SLC35F4: variants seen among roughly 807,000 people sequenced by gnomAD.
The protein encoded by SLC35F4 is solute carrier family 35 member F4.
SLC35F4 carries 24 observed loss-of-function variants against 44.2 expected under a neutral mutation model. The ratio of observed to expected loss-of-function variants is 0.54; its 90% confidence interval spans 0.39 to 0.76. The LOEUF (loss-of-function observed/expected upper bound fraction) is 0.76. Ranked by LOEUF, SLC35F4 falls within the 30% of genes least tolerant of loss-of-function variation. The pLI is 0.00. For missense variants in SLC35F4, 562 were observed against 586.1 expected, an observed-to-expected ratio of 0.96 and a Z score of 0.42; for synonymous variants, 238 against 223.6, an observed-to-expected ratio of 1.06 and a Z score of -0.57.
intron 1 of SLC35F4, among the ~76,000 whole-genome samples, chr14:57,977,770 G>A (rs970713180): frequency 5.9e-5 from 9 of 152,192 alleles, no homozygotes; most frequent in Non-Finnish European, 8.8e-5. Flanking sequence ...CAGTAGATGA[G>A]TGCCGACTAT....
chr14:57,948,524 C>T (rs1008921950), intron 1 of SLC35F4, among the ~76,000 whole-genome samples: 13 of 151,804 alleles, frequency 8.6e-5, no homozygotes, highest in Admixed American at 1.3e-4. Context: ...TTTTTTGTTT[C>T]AATTTTATTT....
chr14:57,909,944 T>C (rs549234177), intron 1 of SLC35F4, among the ~76,000 whole-genome samples: 2 of 152,298 alleles, frequency 1.3e-5, no homozygotes, highest in East Asian at 3.9e-4. Context: ...CAGCAATGAA[T>C]GAGAGTTCAG....
chr14:57,702,525 T>C (rs1471140092), intron 1 of SLC35F4, among the ~76,000 whole-genome samples: 1 of 152,160 alleles, frequency 6.6e-6, no homozygotes, highest in Non-Finnish European at 1.5e-5. Flanking sequence ...TTTAGTTGAA[T>C]AAAATATCTC....
chr14:57,767,326 A>T (rs1378721445), intron 1 of SLC35F4, among the ~76,000 whole-genome samples: 2 of 152,222 alleles, frequency 1.3e-5, no homozygotes, highest in Admixed American at 1.3e-4. Context: ...TGGCCATAAA[A>T]CAAACCTAAC....
At chr14:57,760,403 C>T (rs1285173082) in intron 1 of SLC35F4, among the ~76,000 whole-genome samples, 1 of 152,074 alleles carries the variant, frequency 6.6e-6, no homozygotes, top group African/African-American at 2.4e-5. Flanking sequence ...TGTTTTTATG[C>T]CAATACCATA....
At chr14:57,936,553 T>A (rs1288511696) in intron 1 of SLC35F4, among the ~76,000 whole-genome samples, 1 of 152,220 alleles carries the variant, frequency 6.6e-6, no homozygotes, top group African/African-American at 2.4e-5. Flanking sequence ...GAGACAGGTT[T>A]GGTTGTCGCA....
intron 1 of SLC35F4, among the ~76,000 whole-genome samples, chr14:57,977,531 G>A (rs1317851733): frequency 1.3e-5 from 2 of 152,154 alleles, no homozygotes; most frequent in African/African-American, 4.8e-5. Flanking sequence ...AAATCATATG[G>A]TCACCTGAGT....
intron 1 of SLC35F4, among the ~76,000 whole-genome samples, chr14:57,702,889 T>A (rs2075577462): frequency 6.6e-6 from 1 of 152,300 alleles, no homozygotes; most frequent in Non-Finnish European, 1.5e-5. Flanking sequence ...GTGGCCATAA[T>A]CAACGAGGAT....
intron 1 of SLC35F4, among the ~76,000 whole-genome samples, chr14:57,718,119 T>C (rs554161371): frequency 6.6e-6 from 1 of 152,348 alleles, no homozygotes; most frequent in African/African-American, 2.4e-5. Context: ...AGTGAGAACA[T>C]GCTATGTTTG....
intron 1 of SLC35F4, among the ~76,000 whole-genome samples, chr14:57,857,127 A>G (rs1887185218): frequency 6.6e-6 from 1 of 151,912 alleles, no homozygotes; most frequent in Non-Finnish European, 1.5e-5. Flanking sequence ...AAATACAAAA[A>G]TTAGCTGGGC....
intron 1 of SLC35F4, among the ~76,000 whole-genome samples, chr14:57,745,810 A>G (rs573383123): frequency 2.0e-5 from 3 of 152,326 alleles, no homozygotes; most frequent in African/African-American, 7.2e-5. Flanking sequence ...CACTATTCAC[A>G]ATAGCAAAGA....
intron 1 of SLC35F4, among the ~76,000 whole-genome samples, chr14:57,644,085 C>G (rs1220060550): frequency 6.6e-6 from 1 of 152,162 alleles, no homozygotes; most frequent in Non-Finnish European, 1.5e-5. Context: ...CATACGTGTG[C>G]ATGTGTCTTT....
chr14:57,776,621 A>G (rs11623803), intron 1 of SLC35F4, among the ~76,000 whole-genome samples: 41,898 of 146,778 alleles, frequency 0.29, 6,926 homozygotes, highest in East Asian at 0.67. Context: ...AGCCAAGATC[A>G]TGCCACTGCA....
At chr14:57,667,166 G>A (rs931608159) in intron 1 of SLC35F4, among the ~76,000 whole-genome samples, 1 of 147,938 alleles carries the variant, frequency 6.8e-6, no homozygotes, top group Non-Finnish European at 1.5e-5. Context: ...ATGCGCTCCT[G>A]TGTTTGTGTA....
intron 1 of SLC35F4, among the ~76,000 whole-genome samples, chr14:57,883,186 A>G (rs1400681220): frequency 6.6e-6 from 1 of 152,156 alleles, no homozygotes; most frequent in Non-Finnish European, 1.5e-5. Flanking sequence ...CCAACCCCCC[A>G]TGTGACTACA....
intron 1 of SLC35F4, among the ~76,000 whole-genome samples, chr14:57,932,603 C>T (rs1387228319): frequency 6.6e-6 from 1 of 152,142 alleles, no homozygotes; most frequent in Non-Finnish European, 1.5e-5. Flanking sequence ...AATCCCAACA[C>T]TTTGGGAGGC....
intron 1 of SLC35F4, among the ~76,000 whole-genome samples, chr14:57,649,087 C>T (rs1484161955): frequency 6.6e-6 from 1 of 152,158 alleles, no homozygotes. Flanking sequence ...CTTCCTGATC[C>T]TTAACCTAAA....
At chr14:57,629,956 G>A (rs1225188879) in intron 1 of SLC35F4, 8 of 510,802 alleles carry the variant, frequency 1.6e-5, no homozygotes, top group Admixed American at 3.9e-5. Context: ...GAATGTGGCC[G>A]ATGACACCAG....
In SLC35F4 at chr14:57,566,553, G is replaced by C; in HGVS notation, c.1138C>G (p.Leu380Val). Residue 380 changes from leucine (L) to valine (V), a missense_variant, in exon 7 of 8, where the codon CTG (leucine) becomes GTG (valine). Leu to Val is a conservative substitution (Grantham distance 32, BLOSUM62 1). Coordinates refer to ENST00000556826, the MANE Select transcript of SLC35F4 (RefSeq NM_001306087.2). The stretch of plus-strand genomic sequence containing the variant: ...GTCAGCACCACCCCAACATTCACCA[G>C]GATGTTGAAGGCTGTAAAATAGAGG... ...MAGLWLAFNI[L>V]VNVGVVLTYP... 6.3e-7 allele frequency: 1 copy of C among 1,598,600 alleles called. No homozygotes were observed. Among genetic ancestry groups the C allele is most frequent in the Non-Finnish European group, 8.5e-7 (1 of 1,172,420 alleles).
Sources: allele counts gnomAD v4.1 joint callset (sites outside exome capture counted in the v4.1 genomes callset), GRCh38; gene constraint gnomAD v4.1.1; transcripts MANE v1.5; gene names NCBI Gene and HGNC (gene_info 2026-07-23, HGNC 2026-07-21).